The following DNAH14 variants were observed in gnomAD, a reference collection of about 807,000 sequenced individuals.
The protein encoded by DNAH14 is dynein axonemal heavy chain 14.
In DNAH14, 478 loss-of-function variants were observed where a neutral mutation model predicts 520.9. The ratio of observed to expected loss-of-function variants is 0.92; its 90% CI spans 0.85 to 0.99. DNAH14 has a LOEUF of 0.99. DNAH14 is among the 50% of genes least tolerant of loss of function. The pLI is 0.00. For missense variants in DNAH14, 4,831 were observed against 5,234.5 expected (o/e 0.92, Z 2.38); for synonymous variants, 1,581 against 1,757.2 (o/e 0.90, Z 2.51).
At chr1:225,216,470 G>T (rs1262635021) in intron 41 of DNAH14, among the ~76,000 whole-genome samples, 1 of 152,148 alleles carries the variant, frequency 6.6e-6, no homozygotes, top group Non-Finnish European at 1.5e-5. Context: ...AGTTCTCCTG[G>T]ATAATATCTT....
At position 225,272,955 on chromosome 1, in the gene DNAH14, C is replaced by T. The variant is rs1558227461; in HGVS notation, c.7840C>T (p.Leu2614Phe). The T allele has an allele frequency of 1.3e-6, 2 of 1,522,206 alleles. No individual in the cohort carries two copies. The highest frequency in any genetic ancestry group is 1.3e-5 in the South Asian group (1 of 78,838). 94.3% of individuals were successfully genotyped at this position (1,522,206 alleles called of 1,614,324 possible). A position where few individuals can be genotyped will look rare whatever the true frequency, so the allele number is the denominator to read the frequency against. The stretch of plus-strand genomic sequence containing the variant: ...AACGTTATTTTTAAATCCCTAACAG[C>T]TTCTCCTAGGATTGCTGCAAGCTGA... ...YMFNLRDMFKLLLGLLQADRT... is the reference protein window; with the variant it reads ...YMFNLRDMFKFLLGLLQADRT... The change falls in exon 52 of 86, where the codon CTT becomes TTT. Residue 2614 changes from leucine (L) to phenylalanine (F), a missense_variant and splice_region_variant. By Grantham distance (22) the Leu-to-Phe change is conservative. Coordinates refer to ENST00000682510, the MANE Select transcript of DNAH14 (RefSeq NM_001367479.1).
At chr1:225,307,429 T>C in intron 58 of DNAH14, 32 bp from the exon 59 acceptor site, 1 of 1,412,650 alleles carries the variant, frequency 7.1e-7, no homozygotes, top group Admixed American at 2.4e-5. Flanking sequence ...GTGTTATATC[T>C]TACACCTTCT....
chr1:224,983,196 A>G (rs1199634829), intron 8 of DNAH14, among the ~76,000 whole-genome samples: 3 of 144,208 alleles, frequency 2.1e-5, no homozygotes, highest in Non-Finnish European at 3.0e-5. Flanking sequence ...GCCTTTTACC[A>G]TTATATAATG....
chr1:225,269,879 G>A (rs542987565), intron 49 of DNAH14, among the ~76,000 whole-genome samples: 4 of 152,266 alleles, frequency 2.6e-5, no homozygotes, highest in East Asian at 1.9e-4. Context: ...TTGGTGGGAC[G>A]TAAACTAGTT....
At chr1:225,378,969 T>C (rs924162046) in intron 79 of DNAH14, among the ~76,000 whole-genome samples, 1 of 152,002 alleles carries the variant, frequency 6.6e-6, no homozygotes, top group Non-Finnish European at 1.5e-5. Context: ...CATTTCCTAC[T>C]CATCCACTAA....
chr1:225,357,871 G>C (rs1195202664), intron 73 of DNAH14: 2 of 701,274 alleles, frequency 2.9e-6, no homozygotes, highest in Non-Finnish European at 5.2e-6. Context: ...CAAATATCAT[G>C]TAAGTGATTT....
intron 61 of DNAH14, among the ~76,000 whole-genome samples, chr1:225,319,827 T>C (rs930964783): frequency 6.6e-6 from 1 of 152,104 alleles, no homozygotes; most frequent in Non-Finnish European, 1.5e-5. Flanking sequence ...GCTAGGCAGG[T>C]ATCCAGTGGA....
chr1:225,259,802 G>A (rs2092869884), intron 46 of DNAH14, among the ~76,000 whole-genome samples: 1 of 152,120 alleles, frequency 6.6e-6, no homozygotes, highest in African/African-American at 2.4e-5. Context: ...ATGTAAGTGA[G>A]ATTATATAGT....
At chr1:225,168,199 C>T (rs943953105) in intron 36 of DNAH14, among the ~76,000 whole-genome samples, 171 bp downstream of exon 36, 2 of 151,972 alleles carry the variant, frequency 1.3e-5, no homozygotes, top group Non-Finnish European at 2.9e-5. Context: ...CCAAGATGGC[C>T]AAATAGGAAC....
intron 10 of DNAH14, among the ~76,000 whole-genome samples, chr1:225,017,775 G>A (rs909910777): frequency 2.0e-5 from 3 of 152,226 alleles, no homozygotes; most frequent in Non-Finnish European, 2.9e-5. Context: ...AGCCACCCAA[G>A]GTTAAAGCAT....
At chr1:225,153,260 C>T (rs1225846198) in intron 33 of DNAH14, among the ~76,000 whole-genome samples, 1 of 152,070 alleles carries the variant, frequency 6.6e-6, no homozygotes, top group Non-Finnish European at 1.5e-5. Context: ...AAGTGCTGGG[C>T]CTTACTCCTG....
At chr1:225,082,799 T>C in intron 20 of DNAH14, 60 bp downstream of exon 20, 4 of 1,366,746 alleles carry the variant, frequency 2.9e-6, no homozygotes, top group Non-Finnish European at 4.0e-6. Context: ...CAATTTTAAA[T>C]AGGCGAGTAA....
rs544774419 is a variant in DNAH14 at position 225,156,906 on chromosome 1, G to A, written c.5274-2408G>A. ...ATTTTTTTGTATTTTTAGTAGAGAC[G>A]GGGTTTCACCGTTTTAGCCGGGATG... is the stretch of plus-strand genomic sequence containing the variant. On this transcript the variant is annotated intron_variant, in intron 34 of 85. Transcript: ENST00000682510. Among the ~76,000 whole-genome samples, 148 of 120,298 alleles carry A rather than the reference G, an allele frequency of 1.2e-3. 20 individuals are homozygous for A. The highest frequency in any genetic ancestry group is 4.9e-3 in the African/African-American group (144 of 29,508). The allele number at this position is 120,298 out of a possible 152,430, so 78.9% of individuals were successfully genotyped here. A position where few individuals can be genotyped will look rare whatever the true frequency, so the allele number is the denominator to read the frequency against.
In DNAH14 at chr1:225,351,848, C is replaced by T; in HGVS notation, c.11498C>T (p.Ala3833Val). The T allele has an allele frequency of 6.4e-7, 1 of 1,551,004 alleles. No individual in the cohort carries two copies. Among genetic ancestry groups the T allele is most frequent in the African/African-American group, 1.4e-5 (1 of 73,114 alleles). ...AGCACACCTTTCTCTTCAGAAAATG[C>T]TTCATTGGAGGAAAATACAAAACCA... ...LISTPFSSEN[A>V]SLEENTKPPE... The change falls in exon 72 of 86, where the codon GCT becomes GTT. Residue 3833 changes from alanine to valine, a missense_variant. By Grantham distance (64) the Ala-to-Val change is moderately conservative (BLOSUM62 0). Coordinates refer to ENST00000682510, the MANE Select transcript of DNAH14 (RefSeq NM_001367479.1).
At chr1:225,160,120 A>G (rs1435139292) in intron 35 of DNAH14, among the ~76,000 whole-genome samples, 1 of 152,148 alleles carries the variant, frequency 6.6e-6, no homozygotes, top group Non-Finnish European at 1.5e-5. Context: ...GTATTTTAAC[A>G]TATAATGCCC....
At chr1:225,373,516 G>C (rs75813072) in intron 77 of DNAH14, among the ~76,000 whole-genome samples, 10,774 of 151,702 alleles carry the variant, frequency 0.071, 586 homozygotes, top group East Asian at 0.27. Context: ...GGGAGGCGGA[G>C]GTGATAAATA....
At chr1:224,957,017 G>A (rs77477441) in intron 3 of DNAH14, among the ~76,000 whole-genome samples, 8 of 152,140 alleles carry the variant, frequency 5.3e-5, no homozygotes, top group Non-Finnish European at 7.4e-5. Context: ...GATAAGAGCC[G>A]TGGAAAGGTT....
At position 225,266,673 on chromosome 1, in the gene DNAH14, A is replaced by G. The variant is rs138408664; in HGVS notation, c.7443A>G (p.Pro2481=). The change falls in exon 49 of 86, where the codon CCA becomes CCG. Residue 2481 remains proline (P), a synonymous_variant. Transcript: ENST00000682510. The part of the protein sequence containing the change: ...ILIFIDDMNM[P]VSDMYGAQPP... ...TATTTATTGATGATATGAATATGCC[A>G]GTATCAGATATGTATGGAGCACAGC... 246 of 1,510,598 alleles carry G rather than the reference A, an allele frequency of 1.6e-4. 1 individual carries two copies. The East Asian group carries it at 5.9e-3, about 37-fold the overall frequency. The allele number at this position is 1,510,598 out of a possible 1,614,324, so 93.6% of individuals were successfully genotyped here.
At chr1:225,330,058 A>G (rs759271347) in intron 64 of DNAH14, among the ~76,000 whole-genome samples, 11 of 152,226 alleles carry the variant, frequency 7.2e-5, no homozygotes, top group Admixed American at 3.3e-4. Context: ...AAGGTGCTCA[A>G]TATCATTGAT....
Sources: allele counts gnomAD v4.1 joint callset (sites outside exome capture counted in the v4.1 genomes callset), GRCh38; gene constraint gnomAD v4.1.1; transcripts MANE v1.5; gene names NCBI Gene and HGNC (gene_info 2026-07-23, HGNC 2026-07-21).